MOCS2: variants seen among roughly 807,000 people sequenced by gnomAD.
MOCS2 encodes the protein molybdenum cofactor synthesis 2.
Under a neutral mutation model 21.9 loss-of-function variants are expected in MOCS2, and 13 were observed. That is an observed-to-expected ratio of 0.59 (90% CI 0.39 to 0.94). The LOEUF (loss-of-function observed/expected upper bound fraction) is 0.94, where lower values mean the gene tolerates loss of function less well. MOCS2 is among the 40% of genes least tolerant of loss of function. The probability of loss-of-function intolerance (pLI) is 0.00; values close to 1 mark genes in which losing one functional copy is unlikely to be tolerated. For missense variants in MOCS2, 227 were observed against 218.3 expected (o/e 1.04, Z -0.25); for synonymous variants, 92 against 80.8 (o/e 1.14, Z -0.74).
At position 53,098,334 on chromosome 5, in the gene MOCS2, G is replaced by A. The variant is rs1293780544; in HGVS notation, c.*268C>T. ...TGAGTTACAATTAGAAATTAGTCAT[G>A]GAAGGACATGTCTACCACAGATATC... On this transcript the variant is annotated 3_prime_UTR_variant, in exon 7 of 7. Transcript: ENST00000396954. 8.4e-6 allele frequency: 4 copies of A among 478,546 alleles called. No homozygotes were observed. The highest frequency in any genetic ancestry group is 2.4e-5 in the South Asian group (1 of 41,804). 29.6% of individuals were successfully genotyped at this position (478,546 alleles called of 1,614,324 possible). A position where few individuals can be genotyped will look rare whatever the true frequency, so the allele number is the denominator to read the frequency against.
chr5:53,109,193 G>T, intron 1 of MOCS2, 58 bp downstream of exon 1: 3 of 734,484 alleles, frequency 4.1e-6, no homozygotes, highest in Non-Finnish European at 5.0e-6. Context: ...GAATTTGCTA[G>T]AACAAACTTG....
chr5:53,109,745 G>T lies in MOCS2; in HGVS notation c.-664C>A, dbSNP rs764809636. 6.5e-7 allele frequency: 1 copy of T among 1,549,036 alleles called. No homozygotes were observed. Among genetic ancestry groups the T allele is most frequent in the East Asian group, 2.4e-5 (1 of 40,896 alleles). On this transcript the variant is annotated 5_prime_UTR_variant, in exon 1 of 7. Coordinates refer to ENST00000396954, the MANE Select transcript of MOCS2 (RefSeq NM_004531.5). ...GCGGCACCATCCCGCCTAGGACAGC[G>T]GGACCGAATCACGGCCGCAAAGGCG...
At chr5:53,109,132 G>A (rs1288042505) in intron 1 of MOCS2, 119 bp downstream of exon 1, 1 of 247,820 alleles carries the variant, frequency 4.0e-6, no homozygotes, top group African/African-American at 2.3e-5. Flanking sequence ...ATGCAACATA[G>A]TAAATCTGAC....
chr5:53,108,755 A>G, intron 1 of MOCS2, 112 bp from the exon 2 acceptor site: 1 of 1,103,018 alleles, frequency 9.1e-7, no homozygotes, highest in Non-Finnish European at 1.2e-6. Context: ...GACAAATTTT[A>G]TAAAGAAAAT....
intron 3 of MOCS2, among the ~76,000 whole-genome samples, chr5:53,105,029 T>C (rs1325261557): frequency 6.6e-6 from 1 of 152,138 alleles, no homozygotes; most frequent in South Asian, 2.1e-4. Flanking sequence ...ACTAAGTTGT[T>C]TAGAAAGATG....
At position 53,095,828 on chromosome 5, in the gene MOCS2, ACTT is replaced by A. The variant is rs1561170052; in HGVS notation, c.*2771_*2773del. On this transcript the variant is annotated 3_prime_UTR_variant, in exon 7 of 7. Transcript: ENST00000396954. ...ATTTTATACTTACTTTTTAAAAAGT[ACTT>A]CTTTTTATTTATTCTACATCACTTG... 1.3e-5 allele frequency: 2 copies of A among 152,348 alleles called. No homozygotes were observed. Among genetic ancestry groups the A allele is most frequent in the East Asian group, 1.9e-4 (1 of 5,186 alleles). The allele number at this position is 152,348 out of a possible 1,614,324, so 9.4% of individuals were successfully genotyped here.
At position 53,098,343 on chromosome 5, in the gene MOCS2, T is replaced by G; in HGVS notation, c.*259A>C. ...ATTAGAAATTAGTCATGGAAGGACA[T>G]GTCTACCACAGATATCTTTCCTCAC... On this transcript the variant is annotated 3_prime_UTR_variant, in exon 7 of 7. Coordinates refer to ENST00000396954, the MANE Select transcript of MOCS2 (RefSeq NM_004531.5). The G allele has an allele frequency of 2.0e-6, 1 of 502,212 alleles. No individual in the cohort carries two copies. 31.1% of individuals were successfully genotyped at this position (502,212 alleles called of 1,614,324 possible). A position where few individuals can be genotyped will look rare whatever the true frequency, so the allele number is the denominator to read the frequency against.
chr5:53,109,662 G>A lies in MOCS2; in HGVS notation c.-581C>T, dbSNP rs752013558. 10 of 1,549,896 alleles carry A rather than the reference G, an allele frequency of 6.5e-6. No individual in the cohort carries two copies. In the South Asian group the frequency reaches 1.2e-4, roughly 18 times the overall value. ...TGGAGGGAAAGGGCGGGAGAGACAC[G>A]TCGAGGAGGGCTCCGCACCCAGGCC... is the stretch of plus-strand genomic sequence containing the variant. On this transcript the variant is annotated 5_prime_UTR_variant, in exon 1 of 7. In the 5' UTR this introduces an upstream ATG that the reference lacks. Transcript: ENST00000396954.
chr5:53,109,602 T>A lies in MOCS2; in HGVS notation c.-521A>T, dbSNP rs62359375. The A allele has an allele frequency of 0.079, 117,904 of 1,497,652 alleles. 4,981 individuals carry two copies. The highest frequency in any genetic ancestry group is 0.12 in the Admixed American group (5,539 of 47,684). The allele number at this position is 1,497,652 out of a possible 1,614,324, so 92.8% of individuals were successfully genotyped here. On this transcript the variant is annotated 5_prime_UTR_variant, in exon 1 of 7. An upstream open reading frame in the 5' UTR loses its in-frame stop. Coordinates refer to ENST00000396954, the MANE Select transcript of MOCS2 (RefSeq NM_004531.5). ...CCAAGACGCCGGCCAGGTTGGGGGC[T>A]AGTGGGGAGGTCCGACTGACCAAGG...
rs1244914954 is a variant in MOCS2 at position 53,108,654 on chromosome 5, A to C, written c.-169-11T>G. On this transcript the variant is annotated splice_polypyrimidine_tract_variant and intron_variant, in intron 1 of 6. Coordinates refer to ENST00000396954, the MANE Select transcript of MOCS2 (RefSeq NM_004531.5). ...ATACAATACTTCAACCTGAAAGTAA[A>C]GAAAATGCTTTTAATAACAACTCAT... The C allele has an allele frequency of 6.2e-7, 1 of 1,611,406 alleles. No homozygotes were observed. Among genetic ancestry groups the C allele is most frequent in the Non-Finnish European group, 8.5e-7 (1 of 1,179,086 alleles).
intron 2 of MOCS2, chr5:53,107,873 G>C (rs1741094243): frequency 6.6e-6 from 1 of 152,600 alleles, no homozygotes. Flanking sequence ...AAATCATGAA[G>C]TGGTTTGCTT....
chr5:53,103,927 G>A (rs1740984648), intron 3 of MOCS2, among the ~76,000 whole-genome samples: 1 of 152,228 alleles, frequency 6.6e-6, no homozygotes, highest in Admixed American at 6.5e-5. Flanking sequence ...GGTGTGATGT[G>A]CTCCAGAACC....
chr5:53,100,625 A>G (rs887102832), intron 5 of MOCS2, 91 bp from the exon 6 acceptor site: 23 of 1,372,056 alleles, frequency 1.7e-5, no homozygotes, highest in Non-Finnish European at 2.0e-5. Context: ...AAATCCAGGT[A>G]TGCAGTCTTA....
chr5:53,107,519 G>A, intron 2 of MOCS2: 3 of 375,356 alleles, frequency 8.0e-6, no homozygotes, highest in South Asian at 2.8e-5. Flanking sequence ...CTCAAACCAG[G>A]TCAAAAGAAA....
chr5:53,096,395 GAATTTCCTATTTCTTAAGTGAACTT>G lies in MOCS2; in HGVS notation c.*2182_*2206del, dbSNP rs1740732983. 6.6e-6 allele frequency: 1 copy of G among 152,086 alleles called. No homozygotes were observed. The highest frequency in any genetic ancestry group is 2.4e-5 in the African/African-American group (1 of 41,394). 9.4% of individuals were successfully genotyped at this position (152,086 alleles called of 1,614,324 possible). A position where few individuals can be genotyped will look rare whatever the true frequency, so the allele number is the denominator to read the frequency against. ...AAAATACTTGAAACATAAATAATTT[GAATTTCCTATTTCTTAAGTGAACTT>G]ACCTAGCAATCATGCAAAGTCACGG... On this transcript the variant is annotated 3_prime_UTR_variant, in exon 7 of 7. Transcript: ENST00000396954.
In MOCS2 at chr5:53,096,450, A is replaced by G. The variant is rs1161411222; in HGVS notation, c.*2152T>C. The G allele has an allele frequency of 6.6e-6, 1 of 152,226 alleles. No homozygotes were observed. Among genetic ancestry groups the G allele is most frequent in the Admixed American group, 6.5e-5 (1 of 15,284 alleles). The allele number at this position is 152,226 out of a possible 1,614,324, so 9.4% of individuals were successfully genotyped here. ...AGCAATCATGCAAAGTCACGGCTTT[A>G]AAGTGACCAAGAAACACTGCAGGCA... On this transcript the variant is annotated 3_prime_UTR_variant, in exon 7 of 7. Coordinates refer to ENST00000396954, the MANE Select transcript of MOCS2 (RefSeq NM_004531.5).
At chr5:53,108,446 CTTT>C (rs751335066) in intron 2 of MOCS2, 73 bp downstream of exon 2, 3 of 1,339,666 alleles carry the variant, frequency 2.2e-6, no homozygotes, top group Non-Finnish European at 3.1e-6. Context: ...CGAAATTAAC[CTTT>C]TTACTTTTAT....
intron 5 of MOCS2, 45 bp downstream of exon 5, chr5:53,101,314 G>A (rs756436761): frequency 5.1e-6 from 8 of 1,572,340 alleles, no homozygotes; most frequent in Non-Finnish European, 7.0e-6. Flanking sequence ...TACAAAGATG[G>A]AAAACAATTA....
chr5:53,106,889 T>C (rs1417338600), intron 3 of MOCS2, among the ~76,000 whole-genome samples, 188 bp downstream of exon 3: 2 of 152,160 alleles, frequency 1.3e-5, no homozygotes, highest in African/African-American at 4.8e-5. Flanking sequence ...CTGCTTACAA[T>C]AGACTTGATG....
Sources: allele counts gnomAD v4.1 joint callset (sites outside exome capture counted in the v4.1 genomes callset), GRCh38; gene constraint gnomAD v4.1.1; transcripts MANE v1.5; gene names NCBI Gene and HGNC (gene_info 2026-07-23, HGNC 2026-07-21).